Variants in CADM2 observed in about 807,000 individuals in gnomAD.
CADM2 encodes the protein cell adhesion molecule 2.
CADM2 carries 12 observed loss-of-function variants against 49.8 expected under a neutral mutation model. The ratio of observed to expected loss-of-function variants is 0.24; its 90% CI spans 0.15 to 0.39. The LOEUF (loss-of-function observed/expected upper bound fraction) is 0.39. CADM2 is among the 10% of genes least tolerant of loss of function. The pLI is 1.00. For missense variants in CADM2, 378 were observed against 492.3 expected (o/e 0.77, Z 2.20); for synonymous variants, 214 against 175.4 (o/e 1.22, Z -1.74).
intron 1 of CADM2, among the ~76,000 whole-genome samples, chr3:85,098,041 G>C (rs1358742728): frequency 6.6e-6 from 1 of 152,142 alleles, no homozygotes; most frequent in Non-Finnish European, 1.5e-5. Flanking sequence ...TTGTGTCATA[G>C]GAAATGAGAC....
chr3:85,189,701 T>A (rs1413772878), intron 1 of CADM2, among the ~76,000 whole-genome samples: 1 of 152,110 alleles, frequency 6.6e-6, no homozygotes, highest in Non-Finnish European at 1.5e-5. Context: ...ATTCTGTGAG[T>A]CATGAATCAA....
chr3:85,540,487 A>G (rs1392507604), intron 1 of CADM2, among the ~76,000 whole-genome samples: 1 of 152,210 alleles, frequency 6.6e-6, no homozygotes, highest in Non-Finnish European at 1.5e-5. Context: ...GATATAACAA[A>G]TATGCTCATC....
At chr3:85,448,726 T>C (rs921382442) in intron 1 of CADM2, among the ~76,000 whole-genome samples, 1 of 151,998 alleles carries the variant, frequency 6.6e-6, no homozygotes, top group Admixed American at 6.6e-5. Context: ...CAGTACTACC[T>C]GAGTTCTCAA....
intron 1 of CADM2, among the ~76,000 whole-genome samples, chr3:85,431,317 C>T (rs2036652792): frequency 6.6e-6 from 1 of 152,056 alleles, no homozygotes; most frequent in Non-Finnish European, 1.5e-5. Context: ...ATAAGCAATG[C>T]ATGACTGTAA....
chr3:84,992,528 CT>C (rs1018848077), intron 1 of CADM2, among the ~76,000 whole-genome samples: 2 of 152,066 alleles, frequency 1.3e-5, no homozygotes, highest in African/African-American at 2.4e-5. Flanking sequence ...ACTCAGGAGG[CT>C]GAGGCAGTAG....
At chr3:85,217,722 C>T (rs898373956) in intron 1 of CADM2, among the ~76,000 whole-genome samples, 1 of 152,008 alleles carries the variant, frequency 6.6e-6, no homozygotes, top group Non-Finnish European at 1.5e-5. Context: ...TGTAATACTT[C>T]CAAATTATAG....
At chr3:85,397,146 CAA>C (rs1198550609) in intron 1 of CADM2, among the ~76,000 whole-genome samples, 2 of 151,840 alleles carry the variant, frequency 1.3e-5, no homozygotes. Context: ...CCAGTAAACA[CAA>C]AAAAGATGCC....
chr3:85,833,051 T>G (rs1454502154), intron 3 of CADM2, among the ~76,000 whole-genome samples: 1 of 151,974 alleles, frequency 6.6e-6, no homozygotes, highest in Non-Finnish European at 1.5e-5. Context: ...TTTCTGCATC[T>G]ATTTATCAAA....
intron 1 of CADM2, among the ~76,000 whole-genome samples, chr3:85,482,081 T>C (rs1476646686): frequency 6.6e-6 from 1 of 151,638 alleles, no homozygotes; most frequent in Non-Finnish European, 1.5e-5. Flanking sequence ...AAGAAAAAAA[T>C]ACTTGGTTAT....
intron 3 of CADM2, among the ~76,000 whole-genome samples, chr3:85,829,017 T>C (rs185094753): frequency 6.6e-6 from 1 of 152,088 alleles, no homozygotes; most frequent in East Asian, 1.9e-4. Context: ...TGACCATAAG[T>C]ATACTTTAGT....
At chr3:85,633,315 A>G (rs1335571542) in intron 1 of CADM2, among the ~76,000 whole-genome samples, 1 of 152,064 alleles carries the variant, frequency 6.6e-6, no homozygotes, top group Non-Finnish European at 1.5e-5. Context: ...ATTCTCCCAT[A>G]TGATTGTTAC....
At chr3:86,064,654 G>T (rs1039160023) in intron 8 of CADM2, among the ~76,000 whole-genome samples, 1 of 152,066 alleles carries the variant, frequency 6.6e-6, no homozygotes, top group Non-Finnish European at 1.5e-5. Flanking sequence ...ATGAAAAAAT[G>T]CTCATCATCA....
chr3:85,726,393 G>A lies in CADM2; in HGVS notation c.62-129G>A, dbSNP rs940738920. 5 of 972,070 alleles carry A rather than the reference G, an allele frequency of 5.1e-6. No individual in the cohort carries two copies. The African/African-American group carries it at 6.5e-5, about 13-fold the overall frequency. 60.2% of individuals were successfully genotyped at this position (972,070 alleles called of 1,614,324 possible). Reference sequence around the variant, plus strand: ...CAATAGTCATTTTGTTTCTTAGGCTGTTGATCATGAAATCACAAATGTACT... The same window carrying A: ...CAATAGTCATTTTGTTTCTTAGGCTATTGATCATGAAATCACAAATGTACT... On this transcript the variant is annotated intron_variant, in intron 1 of 9. Transcript: ENST00000383699.
intron 1 of CADM2, among the ~76,000 whole-genome samples, chr3:85,157,106 A>C (rs2040154595): frequency 6.6e-6 from 1 of 152,198 alleles, no homozygotes. Flanking sequence ...CAAAGAGAAT[A>C]AAATATCTAG....
intron 2 of CADM2, among the ~76,000 whole-genome samples, chr3:85,768,726 TATATACAC>T (rs1304393283): frequency 7.6e-6 from 1 of 132,442 alleles, no homozygotes; most frequent in African/African-American, 3.4e-5. Flanking sequence ...ACATATAGTA[TATATACAC>T]ATATATACAC....
At chr3:85,783,641 TTCC>T (rs1266471697) in intron 2 of CADM2, among the ~76,000 whole-genome samples, 2 of 152,166 alleles carry the variant, frequency 1.3e-5, no homozygotes, top group Non-Finnish European at 2.9e-5. Context: ...ATGCCAAAAT[TTCC>T]TCATTACATA....
intron 5 of CADM2, among the ~76,000 whole-genome samples, chr3:85,896,239 T>C (rs1167664569): frequency 6.6e-6 from 1 of 152,166 alleles, no homozygotes; most frequent in Non-Finnish European, 1.5e-5. Context: ...AGAGCCATGA[T>C]AGCACCACTG....
chr3:85,607,803 C>T (rs1405170349), intron 1 of CADM2, among the ~76,000 whole-genome samples: 2 of 151,880 alleles, frequency 1.3e-5, no homozygotes, highest in African/African-American at 4.8e-5. Context: ...ATTACAGGCA[C>T]AGGCCACCAT....
chr3:85,186,426 A>G (rs2041066372), intron 1 of CADM2, among the ~76,000 whole-genome samples: 1 of 152,108 alleles, frequency 6.6e-6, no homozygotes, highest in Non-Finnish European at 1.5e-5. Context: ...TTTGTAAAGT[A>G]TTTCATATTT....
Sources: allele counts gnomAD v4.1 joint callset (sites outside exome capture counted in the v4.1 genomes callset), GRCh38; gene constraint gnomAD v4.1.1; transcripts MANE v1.5; gene names NCBI Gene and HGNC (gene_info 2026-07-23, HGNC 2026-07-21).